IMMP2L: variants seen among roughly 807,000 people sequenced by gnomAD.
IMMP2L encodes inner mitochondrial membrane peptidase subunit 2.
Under a neutral mutation model 19.3 loss-of-function variants are expected in IMMP2L, and 18 were observed. That is an observed-to-expected ratio of 0.93 (90% CI 0.64 to 1.38). The LOEUF (loss-of-function observed/expected upper bound fraction) is 1.38, where lower values mean the gene tolerates loss of function less well. IMMP2L is among the 40% of genes most tolerant of loss of function. The probability of loss-of-function intolerance (pLI) is 0.00; values close to 1 mark genes in which losing one functional copy is unlikely to be tolerated. For missense variants in IMMP2L, 233 were observed against 218.2 expected (o/e 1.07, Z -0.43); for synonymous variants, 76 against 73.0 (o/e 1.04, Z -0.21).
intron 3 of IMMP2L, among the ~76,000 whole-genome samples, chr7:111,399,338 G>A (rs1284545867): frequency 6.6e-6 from 1 of 151,878 alleles, no homozygotes; most frequent in Non-Finnish European, 1.5e-5. Context: ...AATACATACA[G>A]CCAATTGGTC....
At chr7:110,988,745 TTAAGTGAATTATTGTATTCCTA>T (rs1822120842) in intron 3 of IMMP2L, among the ~76,000 whole-genome samples, 1 of 151,670 alleles carries the variant, frequency 6.6e-6, no homozygotes. Context: ...AAGGGAGGAG[TTAAGTGAATTATTGTATTCCTA>T]AAAAGGAATA....
intron 5 of IMMP2L, among the ~76,000 whole-genome samples, chr7:110,732,791 TC>T (rs1796355146): frequency 6.6e-6 from 1 of 151,348 alleles, no homozygotes; most frequent in South Asian, 2.1e-4. Context: ...ACAATGAATT[TC>T]TTTTTTTTTT....
intron 5 of IMMP2L, among the ~76,000 whole-genome samples, chr7:110,856,307 A>C (rs1464518296): frequency 1.3e-5 from 2 of 152,060 alleles, no homozygotes; most frequent in Non-Finnish European, 2.9e-5. Flanking sequence ...CTTTAAAAAA[A>C]GTCCTCAGCT....
chr7:111,331,439 T>C (rs143125387), intron 3 of IMMP2L, among the ~76,000 whole-genome samples: 2 of 151,902 alleles, frequency 1.3e-5, no homozygotes, highest in African/African-American at 4.8e-5. Context: ...AATGGGGAAA[T>C]GATAACCAAA....
chr7:111,371,586 C>T (rs543957172), intron 3 of IMMP2L, among the ~76,000 whole-genome samples: 1 of 152,158 alleles, frequency 6.6e-6, no homozygotes, highest in African/African-American at 2.4e-5. Context: ...CAAGTACTTT[C>T]TGTGGACTGT....
At chr7:110,744,460 C>T (rs886173263) in intron 5 of IMMP2L, among the ~76,000 whole-genome samples, 4 of 152,198 alleles carry the variant, frequency 2.6e-5, no homozygotes, top group African/African-American at 9.7e-5. Context: ...TAGGAGACAC[C>T]TCCCAGTAGG....
At chr7:111,265,428 G>A (rs186703329) in intron 3 of IMMP2L, among the ~76,000 whole-genome samples, 1 of 152,212 alleles carries the variant, frequency 6.6e-6, no homozygotes, top group East Asian at 1.9e-4. Context: ...AAACCATTTT[G>A]GAGCAGTGAT....
intron 2 of IMMP2L, among the ~76,000 whole-genome samples, chr7:111,500,559 T>A (rs1362172182): frequency 1.3e-5 from 2 of 152,150 alleles, no homozygotes; most frequent in African/African-American, 4.8e-5. Context: ...CATCCGCCAG[T>A]ACGGGCAGAC....
chr7:110,878,548 T>C (rs989251063), intron 5 of IMMP2L, among the ~76,000 whole-genome samples: 1 of 126,044 alleles, frequency 7.9e-6, no homozygotes, highest in Admixed American at 8.2e-5. Context: ...TCATCTACAT[T>C]TTCATTAACA....
At chr7:110,742,316 C>T (rs1053351978) in intron 5 of IMMP2L, among the ~76,000 whole-genome samples, 2 of 152,064 alleles carry the variant, frequency 1.3e-5, no homozygotes, top group Non-Finnish European at 2.9e-5. Context: ...CGTAAGTAAA[C>T]TTCTTAGACT....
At chr7:110,771,677 A>G (rs1320045072) in intron 5 of IMMP2L, among the ~76,000 whole-genome samples, 1 of 152,228 alleles carries the variant, frequency 6.6e-6, no homozygotes, top group Non-Finnish European at 1.5e-5. Flanking sequence ...ATACGAGGGT[A>G]GAGTTACTCA....
intron 3 of IMMP2L, among the ~76,000 whole-genome samples, chr7:111,146,375 A>C (rs1803477301): frequency 6.6e-6 from 1 of 152,098 alleles, no homozygotes; most frequent in Non-Finnish European, 1.5e-5. Flanking sequence ...TATCTGGATC[A>C]AGAATGTCTT....
intron 5 of IMMP2L, among the ~76,000 whole-genome samples, chr7:110,822,104 A>T (rs1179950601): frequency 6.6e-6 from 1 of 152,064 alleles, no homozygotes; most frequent in Non-Finnish European, 1.5e-5. Context: ...TACCCAAATG[A>T]AATTCATCAT....
chr7:111,396,514 G>C (rs548536467), intron 3 of IMMP2L, among the ~76,000 whole-genome samples: 2 of 152,176 alleles, frequency 1.3e-5, no homozygotes, highest in South Asian at 4.2e-4. Flanking sequence ...TGTGGGGCAA[G>C]GGGAGATATA....
At chr7:110,821,057 T>C (rs1275441656) in intron 5 of IMMP2L, among the ~76,000 whole-genome samples, 1 of 151,924 alleles carries the variant, frequency 6.6e-6, no homozygotes, top group Non-Finnish European at 1.5e-5. Flanking sequence ...ATGCTTTATA[T>C]ACACTAACTC....
At chr7:111,406,619 T>G (rs547604113) in intron 3 of IMMP2L, among the ~76,000 whole-genome samples, 12 of 152,202 alleles carry the variant, frequency 7.9e-5, no homozygotes, top group Non-Finnish European at 1.5e-4. Context: ...CATTTGCTCT[T>G]CTGTCTGGAA....
At chr7:111,276,835 T>G (rs1819125791) in intron 3 of IMMP2L, among the ~76,000 whole-genome samples, 1 of 152,096 alleles carries the variant, frequency 6.6e-6, no homozygotes. Flanking sequence ...CAGCTGATTT[T>G]CAACAAAGTC....
intron 5 of IMMP2L, among the ~76,000 whole-genome samples, chr7:110,829,298 T>C (rs774181214): frequency 2.2e-4 from 34 of 152,326 alleles, no homozygotes; most frequent in Non-Finnish European, 4.6e-4. Flanking sequence ...ATCTCCTTTA[T>C]AATTCTCAGA....
At chr7:110,783,277 T>C (rs1365460618) in intron 5 of IMMP2L, among the ~76,000 whole-genome samples, 1 of 151,830 alleles carries the variant, frequency 6.6e-6, no homozygotes, top group Non-Finnish European at 1.5e-5. Context: ...ATTATCTCTG[T>C]GAATTTTATA....
Sources: allele counts gnomAD v4.1 joint callset (sites outside exome capture counted in the v4.1 genomes callset), GRCh38; gene constraint gnomAD v4.1.1; transcripts MANE v1.5; gene names NCBI Gene and HGNC (gene_info 2026-07-23, HGNC 2026-07-21).